Variants in WAPL observed in about 807,000 individuals in gnomAD.
The protein encoded by WAPL is wings apart-like protein homolog.
A neutral mutation model predicts 121.0 loss-of-function variants in WAPL; 5 were observed. That is an observed-to-expected ratio of 0.04 (90% confidence interval 0.02 to 0.09). The LOEUF is 0.09. Among genes scored for constraint, WAPL ranks in the 10% least tolerant of loss-of-function variants. The pLI is 1.00. For synonymous variants in WAPL, 480 were observed against 481.5 expected (o/e 1.00, Z 0.04); for missense variants, 999 against 1,410.8 (o/e 0.71, Z 4.68).
intron 4 of WAPL, among the ~76,000 whole-genome samples, chr10:86,494,920 T>C (rs999309302): frequency 3.9e-5 from 6 of 152,156 alleles, no homozygotes; most frequent in Admixed American, 2.6e-4. Context: ...TGTGAAGTCA[T>C]ACAGTTTTCT....
At chr10:86,469,282 T>TCG (rs1841479952) in intron 8 of WAPL, among the ~76,000 whole-genome samples, 1 of 596 alleles carries the variant, frequency 1.7e-3, no homozygotes, top group South Asian at 0.062. Context: ...AGACGGAGTC[T>TCG]CGCTCTGTCG....
intron 2 of WAPL, among the ~76,000 whole-genome samples, chr10:86,512,427 A>G (rs1054369610): frequency 6.6e-6 from 1 of 152,252 alleles, no homozygotes; most frequent in African/African-American, 2.4e-5. Flanking sequence ...AAGTCTTTGC[A>G]CACTTTATTC....
At chr10:86,459,161 T>G in intron 11 of WAPL, 96 bp from the exon 12 acceptor site, 1 of 988,140 alleles carries the variant, frequency 1.0e-6, no homozygotes, top group Non-Finnish European at 1.5e-6. Flanking sequence ...GATACAAAGA[T>G]GAGGAAGAAA....
chr10:86,443,166 T>G, intron 17 of WAPL, 109 bp downstream of exon 17: 1 of 796,062 alleles, frequency 1.3e-6, no homozygotes, highest in South Asian at 2.4e-5. Flanking sequence ...AAGTTGGACA[T>G]TAAGGGGGAA....
Position 86,472,384 on chromosome 10 carries a change from A to C in WAPL, c.1894-40T>G. The C allele has an allele frequency of 6.3e-7, 1 of 1,581,698 alleles. No individual in the cohort carries two copies. Among genetic ancestry groups the C allele is most frequent in the African/African-American group, 1.4e-5 (1 of 72,788 alleles). Reference sequence around the variant, plus strand: ...AAAGTTCACCCCTTTTTAACTAGGAACTAGCATATTTAAATCTATGGGCTC... The same window carrying C: ...AAAGTTCACCCCTTTTTAACTAGGACCTAGCATATTTAAATCTATGGGCTC... On this transcript the variant is annotated intron_variant, in intron 6 of 18. Coordinates refer to ENST00000298767, the MANE Select transcript of WAPL (RefSeq NM_015045.5). The surrounding 1 kb of genome is among the most constrained non-coding windows in gnomAD (Gnocchi z 4.2).
At chr10:86,494,597 GT>G (rs201814514) in intron 4 of WAPL, among the ~76,000 whole-genome samples, 1,589 of 152,258 alleles carry the variant, frequency 0.01, 14 homozygotes, top group Non-Finnish European at 0.016. Flanking sequence ...TTTGGCAGTG[GT>G]ATTAACATGG....
intron 4 of WAPL, among the ~76,000 whole-genome samples, chr10:86,481,643 G>A (rs949140091): frequency 1.3e-5 from 2 of 151,990 alleles, no homozygotes; most frequent in Non-Finnish European, 2.9e-5. Flanking sequence ...AAAGAGCTGG[G>A]ATTACAGGCG....
chr10:86,499,874 C>T lies in WAPL; in HGVS notation c.1369G>A (p.Asp457Asn). The T allele has an allele frequency of 6.2e-7, 1 of 1,614,008 alleles. No individual in the cohort carries two copies. Among genetic ancestry groups the T allele is most frequent in the Non-Finnish European group, 8.5e-7 (1 of 1,180,006 alleles). ...NYKIKYFGFD[D>N]LSESEDDEDD... ...TCATCATCTTCGCTTTCACTGAGAT[C>T]ATCAAAGCCAAAATACTTAATTTTG... The change falls in exon 3 of 19, where the codon GAT (aspartate) becomes AAT (asparagine). Residue 457 changes from aspartate to asparagine, a missense_variant. Coordinates refer to ENST00000298767, the MANE Select transcript of WAPL (RefSeq NM_015045.5).
intron 4 of WAPL, among the ~76,000 whole-genome samples, chr10:86,478,576 T>C (rs578052127): frequency 2.0e-5 from 3 of 151,350 alleles, no homozygotes; most frequent in Non-Finnish European, 4.4e-5. Context: ...TAATCTTAAA[T>C]ATATTATTCT....
intron 15 of WAPL, among the ~76,000 whole-genome samples, chr10:86,451,374 A>G (rs1373597102): frequency 6.6e-6 from 1 of 152,052 alleles, no homozygotes. Flanking sequence ...TTACTGATCT[A>G]CAGAGAAATT....
intron 2 of WAPL, among the ~76,000 whole-genome samples, chr10:86,501,722 C>A (rs1842250685): frequency 6.6e-6 from 1 of 152,204 alleles, no homozygotes; most frequent in African/African-American, 2.4e-5. Flanking sequence ...GTCACCCACA[C>A]TGGAATACAG....
In WAPL at chr10:86,476,468, C is replaced by T. The variant is rs572443951; in HGVS notation, c.1645-2495G>A. ...CTTTGGGAGGCCAAGGCAGGCGGAT[C>T]GACTGAGGTCAGGAGTTTGAGACCA... On this transcript the variant is annotated intron_variant, in intron 4 of 18. Transcript: ENST00000298767. Among the ~76,000 whole-genome samples, 91 of 151,646 alleles carry T rather than the reference C, an allele frequency of 6.0e-4. 1 individual carries two copies. The highest frequency in any genetic ancestry group is 1.1e-3 in the Non-Finnish European group (74 of 67,940).
At chr10:86,474,908 C>T (rs1335088635) in intron 4 of WAPL, among the ~76,000 whole-genome samples, 2 of 152,174 alleles carry the variant, frequency 1.3e-5, no homozygotes, top group Non-Finnish European at 2.9e-5. Flanking sequence ...TGTGCCACCA[C>T]TCAAGAGTTC....
chr10:86,486,521 T>A (rs1010237968), intron 4 of WAPL, among the ~76,000 whole-genome samples: 1 of 152,226 alleles, frequency 6.6e-6, no homozygotes, highest in Non-Finnish European at 1.5e-5. Context: ...CTGATAAATT[T>A]TAATTGCCCA....
At chr10:86,519,071 T>C (rs1260092335) in intron 1 of WAPL, among the ~76,000 whole-genome samples, 1 of 152,184 alleles carries the variant, frequency 6.6e-6, no homozygotes, top group Non-Finnish European at 1.5e-5. Flanking sequence ...CATACAACTT[T>C]TATTTTCCTT....
At chr10:86,497,610 T>G (rs1842173175) in intron 3 of WAPL, among the ~76,000 whole-genome samples, 1 of 152,230 alleles carries the variant, frequency 6.6e-6, no homozygotes, top group Non-Finnish European at 1.5e-5. Flanking sequence ...AATAATTTTC[T>G]TACTTCCGAG....
rs1363248007 is a variant in WAPL, at chr10:86,473,911, A to G, written c.1707T>C (p.Pro569=). The change falls in exon 5 of 19, where the codon CCT becomes CCC. Residue 569 remains proline (P), a synonymous_variant. Coordinates refer to ENST00000298767, the MANE Select transcript of WAPL (RefSeq NM_015045.5). ...HWNHPDSEEL[P]GPPVVKPQSV... is the part of the protein sequence containing the mutation. ...TCTGAGGTTTTACTACTGGTGGCCC[A>G]GGCAGTTCTTCTGAATCTGGATGAT... is the stretch of plus-strand genomic sequence containing the variant. 3.1e-6 allele frequency: 5 copies of G among 1,614,068 alleles called. No individual in the cohort carries two copies. Among genetic ancestry groups the G allele is most frequent in the African/African-American group, 1.3e-5 (1 of 75,052 alleles).
intron 12 of WAPL, among the ~76,000 whole-genome samples, chr10:86,454,075 T>A (rs1386838137): frequency 1.3e-5 from 2 of 152,188 alleles, no homozygotes; most frequent in Non-Finnish European, 2.9e-5. Flanking sequence ...ATGTTATTGA[T>A]CTCTCCAATA....
At chr10:86,491,503 A>G (rs1322656870) in intron 4 of WAPL, among the ~76,000 whole-genome samples, 3 of 152,070 alleles carry the variant, frequency 2.0e-5, no homozygotes, top group African/African-American at 7.2e-5. Flanking sequence ...CGATGAACAC[A>G]CTCAGCACTC....
Sources: gnomAD v4.1 joint callset for allele counts (sites outside exome capture counted in the v4.1 genomes callset) on GRCh38, gnomAD v4.1.1 for gene constraint, Gnocchi (gnomAD v3.1) non-coding constraint, MANE v1.5 for transcripts, NCBI Gene and HGNC (gene_info 2026-07-23, HGNC 2026-07-21) for gene names.